The following ZMYM6 variants were observed in gnomAD, a reference collection of about 807,000 sequenced individuals.
The protein encoded by ZMYM6 is zinc finger MYM-type protein 6.
ZMYM6 carries 90 observed loss-of-function variants against 134.0 expected under a neutral mutation model. The observed-to-expected ratio is 0.67, with a 90% CI of 0.57 to 0.80. The LOEUF is 0.80. Among genes scored for constraint, ZMYM6 ranks in the 30% least tolerant of loss-of-function variants. ZMYM6 has a pLI of 0.00. For missense variants in ZMYM6, 1,362 were observed against 1,533.9 expected (o/e 0.89, Z 1.87); for synonymous variants, 481 against 524.1 (o/e 0.92, Z 1.12).
intron 4 of ZMYM6, among the ~76,000 whole-genome samples, chr1:35,015,743 A>AAAAAAATATATATATATATATAT: frequency 9.4e-6 from 1 of 106,470 alleles, no homozygotes; most frequent in African/African-American, 6.6e-5. Context: ...AAAAAAAAAA[A>AAAAAAATATATATATATATATAT]ATATATATAT....
intron 1 of ZMYM6, chr1:35,031,545 G>A (rs1306683993): frequency 6.6e-6 from 1 of 152,172 alleles, no homozygotes; most frequent in East Asian, 1.9e-4. Context: ...AATATCTACG[G>A]GCGCTCATCC....
chr1:35,012,459 A>G lies in ZMYM6; in HGVS notation c.918T>C (p.Ala306=), dbSNP rs1641104039. ...AAGAAGTAACAGTCTTAACTCTGTA[A>G]GCAGATAAGCAATTAATAGAGCAGA... ...ELFCSINCLS[A]YRVKTVTSSG... is the part of the protein sequence containing the mutation. The change falls in exon 7 of 16, where the codon GCT becomes GCC. Residue 306 remains alanine (A), a synonymous_variant. Coordinates refer to ENST00000357182, the MANE Select transcript of ZMYM6 (RefSeq NM_007167.4). 1 of 1,602,432 alleles carries G rather than the reference A, an allele frequency of 6.2e-7. No individual in the cohort carries two copies. Among genetic ancestry groups the G allele is most frequent in the Non-Finnish European group, 8.5e-7 (1 of 1,176,336 alleles).
rs1641262694 is a variant in ZMYM6, at chr1:35,019,363, T to C, written c.418A>G (p.Asn140Asp). The C allele has an allele frequency of 6.2e-7, 1 of 1,614,128 alleles. No individual in the cohort carries two copies. Among genetic ancestry groups the C allele is most frequent in the Admixed American group, 1.7e-5 (1 of 60,020 alleles). Residue 140 changes from asparagine (N) to aspartate (D), a missense_variant, in exon 4 of 16, where the codon AAC becomes GAC. By Grantham distance (23) the Asn-to-Asp change is conservative. This residue lies in a region of ZMYM6 where 503 missense variants were observed against 520.8 expected (regional missense o/e 0.97). Transcript: ENST00000357182. The part of the protein sequence containing the change: ...LPPPPKKTCT[N>D]CSKDILNPKD... Reference sequence around the variant, plus strand: ...TTAAGAATTTTATACTTCGAGCAGTTTGTGCAGGTTTTCTTGGGAGGAGGT... The same window carrying C: ...TTAAGAATTTTATACTTCGAGCAGTCTGTGCAGGTTTTCTTGGGAGGAGGT...
intron 15 of ZMYM6, chr1:34,990,073 C>G (rs959414279): frequency 6.5e-6 from 1 of 153,584 alleles, no homozygotes; most frequent in Admixed American, 6.5e-5. Context: ...AATTTTGATA[C>G]TCAGTGTCAG....
intron 6 of ZMYM6, chr1:35,012,931 C>T (rs1641111808): frequency 1.0e-6 from 1 of 985,168 alleles, no homozygotes; most frequent in Non-Finnish European, 1.2e-6. Flanking sequence ...TAGTCTTGTA[C>T]ATCAATCTAG....
intron 4 of ZMYM6, 92 bp downstream of exon 4, chr1:35,019,261 A>C: frequency 6.5e-7 from 1 of 1,548,300 alleles, no homozygotes; most frequent in Non-Finnish European, 8.8e-7. Context: ...ATACATGCTG[A>C]AGAGATTTAA....
intron 11 of ZMYM6, among the ~76,000 whole-genome samples, chr1:35,007,949 T>C (rs1039863426): frequency 2.6e-5 from 4 of 152,194 alleles, no homozygotes; most frequent in African/African-American, 4.8e-5. Context: ...TGATATAATA[T>C]GGGCTTTGGA....
chr1:35,009,315 G>A (rs113601601), intron 10 of ZMYM6, among the ~76,000 whole-genome samples: 5,565 of 152,218 alleles, frequency 0.037, 321 homozygotes, highest in African/African-American at 0.13. Flanking sequence ...TGTTGGCCAG[G>A]CTGGTCTCAA....
At chr1:35,013,118 C>A (rs1641115056) in intron 6 of ZMYM6, 1 of 871,506 alleles carries the variant, frequency 1.1e-6, no homozygotes, top group Non-Finnish European at 1.4e-6. Context: ...AAAATAGCTA[C>A]CATTTACATA....
intron 1 of ZMYM6, 69 bp downstream of exon 1, chr1:35,031,746 G>C (rs1322146552): frequency 1.3e-5 from 2 of 152,468 alleles, no homozygotes; most frequent in African/African-American, 4.8e-5. Context: ...CGCCCCCGCC[G>C]CAACGCCTCG....
chr1:35,000,845 G>A (rs1353285695), intron 14 of ZMYM6, among the ~76,000 whole-genome samples: 2 of 152,122 alleles, frequency 1.3e-5, no homozygotes, highest in African/African-American at 4.8e-5. Flanking sequence ...GAAAAAGGTA[G>A]GGGAAAGAAA....
intron 14 of ZMYM6, among the ~76,000 whole-genome samples, chr1:34,997,777 A>C (rs1255844944): frequency 2.6e-5 from 4 of 152,126 alleles, no homozygotes; most frequent in African/African-American, 9.7e-5. Flanking sequence ...TACACCGTTA[A>C]AATTTTTTCC....
intron 14 of ZMYM6, among the ~76,000 whole-genome samples, chr1:34,995,065 TA>T (rs1640756029): frequency 7.7e-6 from 1 of 129,664 alleles, no homozygotes; most frequent in Non-Finnish European, 1.6e-5. Flanking sequence ...TATATATATG[TA>T]ATATATATAC....
intron 10 of ZMYM6, among the ~76,000 whole-genome samples, chr1:35,010,220 C>T (rs1356253396): frequency 1.3e-5 from 2 of 151,712 alleles, no homozygotes; most frequent in Admixed American, 6.6e-5. Flanking sequence ...GGGGTTTCAC[C>T]ATGTTGGTCA....
intron 13 of ZMYM6, among the ~76,000 whole-genome samples, chr1:35,004,354 T>A (rs1328563668): frequency 2.0e-5 from 3 of 152,172 alleles, no homozygotes; most frequent in Non-Finnish European, 4.4e-5. Context: ...TAGCCCAGTG[T>A]GGTGGCCTGT....
Position 34,988,436 on chromosome 1 carries a change from T to A in ZMYM6, c.2646A>T (p.Thr882=). The A allele has an allele frequency of 6.4e-7, 1 of 1,551,568 alleles. No individual in the cohort carries two copies. Among genetic ancestry groups the A allele is most frequent in the Non-Finnish European group, 8.7e-7 (1 of 1,146,930 alleles). The part of the protein sequence containing the change: ...KMKTIPLSNV[T]IQHRIDELSA... ...ATAGTTCATCAATCCTGTGTTGAATTGTAACATTAGAAAGTGGAATAGTTT... is the reference window on the plus strand; with the variant it reads ...ATAGTTCATCAATCCTGTGTTGAATAGTAACATTAGAAAGTGGAATAGTTT... The change falls in exon 16 of 16, where the codon ACA becomes ACT. Residue 882 remains threonine (T), a synonymous_variant. Coordinates refer to ENST00000357182, the MANE Select transcript of ZMYM6 (RefSeq NM_007167.4).
chr1:35,002,308 T>A (rs981814887), intron 14 of ZMYM6, among the ~76,000 whole-genome samples: 50 of 152,350 alleles, frequency 3.3e-4, no homozygotes, highest in African/African-American at 1.1e-3. Flanking sequence ...CTTTAAATTA[T>A]GGTAAAGCTG....
intron 3 of ZMYM6, 76 bp from the exon 4 acceptor site, chr1:35,019,678 CTT>C (rs1641270354): frequency 8.0e-6 from 11 of 1,379,806 alleles, no homozygotes; most frequent in Non-Finnish European, 1.1e-5. Flanking sequence ...CTCTCTCTCT[CTT>C]TTTTCTTTTT....
At chr1:35,027,690 C>A (rs1353823984) in intron 2 of ZMYM6, among the ~76,000 whole-genome samples, 2 of 151,396 alleles carry the variant, frequency 1.3e-5, no homozygotes, top group Admixed American at 1.3e-4. Flanking sequence ...CCACTGCACT[C>A]CAGTATGGGC....
Sources: allele counts gnomAD v4.1 joint callset (sites outside exome capture counted in the v4.1 genomes callset), GRCh38; gene constraint gnomAD v4.1.1; regional missense constraint gnomAD v4.1.1; transcripts MANE v1.5; gene names NCBI Gene and HGNC (gene_info 2026-07-23, HGNC 2026-07-21).